The following EXOC6B variants were observed in gnomAD, a reference collection of about 807,000 sequenced individuals.
The protein encoded by EXOC6B is SEC15 homolog B.
EXOC6B carries 54 observed loss-of-function variants against 113.5 expected under a neutral mutation model. That is an observed-to-expected ratio of 0.48 (90% CI 0.38 to 0.60). EXOC6B has a LOEUF of 0.60. Ranked by LOEUF, EXOC6B falls within the 20% of genes least tolerant of loss-of-function variation. The pLI, the probability that EXOC6B is intolerant of heterozygous loss-of-function variation, is 0.00. For missense variants in EXOC6B, 797 were observed against 977.5 expected, an observed-to-expected ratio of 0.82 and a Z score of 2.46; for synonymous variants, 357 against 339.0, an observed-to-expected ratio of 1.05 and a Z score of -0.58.
intron 21 of EXOC6B, among the ~76,000 whole-genome samples, chr2:72,180,417 C>T (rs1678006930): frequency 1.3e-5 from 2 of 152,248 alleles, no homozygotes; most frequent in South Asian, 2.1e-4. Context: ...GGCCCACAAC[C>T]TCTGACATCT....
At position 72,540,142 on chromosome 2, in the gene EXOC6B, T is replaced by G. The variant is rs910034385; in HGVS notation, c.915+19311A>C. 2.6e-5 allele frequency among the ~76,000 whole-genome samples: 4 copies of G among 152,022 alleles called. No individual in the cohort carries two copies. In the East Asian group the frequency reaches 7.7e-4, roughly 29 times the overall value. On this transcript the variant is annotated intron_variant, in intron 8 of 21. Transcript: ENST00000272427. ...ACATGAACTCATCATTTTTTATGGC[T>G]GCATAGTATTCCATGGTGTATATGT...
intron 6 of EXOC6B, among the ~76,000 whole-genome samples, chr2:72,648,911 A>T (rs1353116711): frequency 6.6e-6 from 1 of 152,178 alleles, no homozygotes; most frequent in African/African-American, 2.4e-5. Flanking sequence ...TGGGAGGCCG[A>T]GGCAGGAGGA....
At position 72,499,988 on chromosome 2, in the gene EXOC6B, G is replaced by C. The variant is rs1700238395; in HGVS notation, c.1168-16C>G. On this transcript the variant is annotated splice_polypyrimidine_tract_variant and intron_variant, in intron 11 of 21. Transcript: ENST00000272427. ...AACAGTAAGACTAAAGTAAATAAAAGACAAAGGAGGAAAAACATGTTATTA... is the reference window on the plus strand; with the variant it reads ...AACAGTAAGACTAAAGTAAATAAAACACAAAGGAGGAAAAACATGTTATTA... 3 of 1,476,372 alleles carry C rather than the reference G, an allele frequency of 2.0e-6. No individual in the cohort carries two copies. The African/African-American group carries it at 4.2e-5, about 21-fold the overall frequency. The allele number at this position is 1,476,372 out of a possible 1,614,324, so 91.5% of individuals were successfully genotyped here.
chr2:72,465,995 C>A (rs538950609), intron 17 of EXOC6B, among the ~76,000 whole-genome samples: 1 of 152,146 alleles, frequency 6.6e-6, no homozygotes, highest in Non-Finnish European at 1.5e-5. Flanking sequence ...CAAAATCATT[C>A]TAATTCAACA....
At chr2:72,578,466 T>C (rs1307966656) in intron 6 of EXOC6B, among the ~76,000 whole-genome samples, 3 of 152,122 alleles carry the variant, frequency 2.0e-5, no homozygotes, top group Admixed American at 2.0e-4. Context: ...TTACGCCATT[T>C]CTTTACCTGA....
intron 21 of EXOC6B, among the ~76,000 whole-genome samples, chr2:72,180,349 C>T (rs1372802835): frequency 6.6e-6 from 1 of 152,182 alleles, no homozygotes; most frequent in African/African-American, 2.4e-5. Context: ...GTCACAGAAC[C>T]CCCAAGTCTG....
intron 18 of EXOC6B, among the ~76,000 whole-genome samples, chr2:72,451,762 A>G (rs895171994): frequency 2.6e-5 from 4 of 151,964 alleles, no homozygotes; most frequent in African/African-American, 4.8e-5. Context: ...CCAAGGAGCT[A>G]AAGACCAAGA....
intron 2 of EXOC6B, among the ~76,000 whole-genome samples, chr2:72,737,249 C>T (rs1317027096): frequency 1.1e-4 from 16 of 151,836 alleles, no homozygotes; most frequent in Non-Finnish European, 1.5e-5. Flanking sequence ...AGGCATGAGG[C>T]ACAAGAATCG....
At chr2:72,586,745 C>G (rs1268034042) in intron 6 of EXOC6B, among the ~76,000 whole-genome samples, 1 of 150,786 alleles carries the variant, frequency 6.6e-6, no homozygotes, top group Non-Finnish European at 1.5e-5. Context: ...AGCAAGACTC[C>G]GTCTCAAAAA....
At chr2:72,356,992 A>G (rs13390754) in intron 19 of EXOC6B, among the ~76,000 whole-genome samples, 51,639 of 152,024 alleles carry the variant, frequency 0.34, 13,704 homozygotes, top group African/African-American at 0.74. Context: ...ACTGGACAAA[A>G]GGATGATTCA....
chr2:72,560,488 T>A (rs534122991), intron 7 of EXOC6B, among the ~76,000 whole-genome samples: 4 of 152,104 alleles, frequency 2.6e-5, no homozygotes, highest in Non-Finnish European at 5.9e-5. Flanking sequence ...TGATTCATAA[T>A]TACAAGGTCA....
chr2:72,284,319 C>T (rs903784712), intron 20 of EXOC6B, among the ~76,000 whole-genome samples: 1 of 152,042 alleles, frequency 6.6e-6, no homozygotes, highest in African/African-American at 2.4e-5. Context: ...GTTGGACTAA[C>T]ATTTGAAAAT....
intron 20 of EXOC6B, among the ~76,000 whole-genome samples, chr2:72,213,798 T>G (rs566616963): frequency 6.6e-6 from 1 of 152,132 alleles, no homozygotes; most frequent in African/African-American, 2.4e-5. Context: ...CCTTCCATCA[T>G]GCGAGGACAC....
intron 17 of EXOC6B, among the ~76,000 whole-genome samples, chr2:72,474,235 G>A (rs547334233): frequency 1.2e-4 from 19 of 152,098 alleles, no homozygotes; most frequent in South Asian, 1.2e-3. Flanking sequence ...ATAATGTGCC[G>A]TGGAGAGAAT....
chr2:72,326,399 C>CAGGCTAGACAGGCAGCA lies in EXOC6B; in HGVS notation c.2196+8531_2196+8547dup, dbSNP rs1688130062. Among the ~76,000 whole-genome samples the CAGGCTAGACAGGCAGCA allele has an allele frequency of 2.0e-5, 3 of 152,228 alleles. No homozygotes were observed. In the South Asian group the frequency reaches 6.2e-4, roughly 32 times the overall value. On this transcript the variant is annotated intron_variant, in intron 20 of 21. Coordinates refer to ENST00000272427, the MANE Select transcript of EXOC6B (RefSeq NM_015189.3). The stretch of plus-strand genomic sequence containing the variant: ...AGAAGCAGAAAGTAGTGCAATGCCT[C>CAGGCTAGACAGGCAGCA]AGGCTAGACAGGCAGCAAGGCGTCT...
intron 6 of EXOC6B, among the ~76,000 whole-genome samples, chr2:72,609,143 G>C (rs2104067976): frequency 6.6e-6 from 1 of 152,236 alleles, no homozygotes; most frequent in South Asian, 2.1e-4. Flanking sequence ...GGGAGATATA[G>C]TGTTCAGATC....
chr2:72,194,126 C>T (rs1284400142), intron 20 of EXOC6B, among the ~76,000 whole-genome samples: 1 of 151,986 alleles, frequency 6.6e-6, no homozygotes, highest in Non-Finnish European at 1.5e-5. Context: ...GCATTTAATA[C>T]CTAGTAAAGA....
chr2:72,728,105 G>A (rs998971358), intron 5 of EXOC6B, among the ~76,000 whole-genome samples: 2 of 152,042 alleles, frequency 1.3e-5, no homozygotes, highest in African/African-American at 4.8e-5. Context: ...TAGAATAACA[G>A]GACCTCCCAC....
intron 20 of EXOC6B, among the ~76,000 whole-genome samples, chr2:72,197,713 G>A (rs1425968471): frequency 6.6e-6 from 1 of 152,160 alleles, no homozygotes; most frequent in Non-Finnish European, 1.5e-5. Context: ...CTGACTGAAT[G>A]TTGGAGGAGA....
Sources: allele counts gnomAD v4.1 joint callset (sites outside exome capture counted in the v4.1 genomes callset), GRCh38; gene constraint gnomAD v4.1.1; transcripts MANE v1.5; gene names NCBI Gene and HGNC (gene_info 2026-07-23, HGNC 2026-07-21).